The following MYOC variants were observed in gnomAD, a reference collection of about 807,000 sequenced individuals.
MYOC encodes the protein juvenile-onset open-angle glaucoma 1.
A neutral mutation model predicts 28.2 loss-of-function variants in MYOC; 29 were observed. The observed-to-expected ratio is 1.03, with a 90% confidence interval of 0.77 to 1.40. The LOEUF is 1.40. MYOC is among the 40% of genes most tolerant of loss of function. MYOC has a pLI of 0.00. For synonymous variants in MYOC, 240 were observed against 245.6 expected, an observed-to-expected ratio of 0.98 and a Z score of 0.21; for missense variants, 569 against 620.6, an observed-to-expected ratio of 0.92 and a Z score of 0.88.
At chr1:171,651,828 G>C (rs1653360473) in intron 1 of MYOC, among the ~76,000 whole-genome samples, 180 bp downstream of exon 1, 1 of 152,156 alleles carries the variant, frequency 6.6e-6, no homozygotes, top group Non-Finnish European at 1.5e-5. Flanking sequence ...AAGCTCTCAG[G>C]AGCTAAATTA....
rs769767738 is a variant in MYOC at position 171,635,985 on chromosome 1, C to T, written c.1455G>A (p.Lys485=). The change falls in exon 3 of 3, where the codon AAG becomes AAA. Residue 485 remains lysine, a synonymous_variant. Coordinates refer to ENST00000037502, the MANE Select transcript of MYOC (RefSeq NM_000261.2). ...SMIDYNPLEK[K]LFAWDNLNMV... Reference sequence around the variant, plus strand: ...TGTTCAAGTTGTCCCAGGCAAAGAGCTTCTTCTCCAGGGGGTTGTAGTCAA... The same window carrying T: ...TGTTCAAGTTGTCCCAGGCAAAGAGTTTCTTCTCCAGGGGGTTGTAGTCAA... 6 of 1,614,164 alleles carry T rather than the reference C, an allele frequency of 3.7e-6. No individual in the cohort carries two copies. Among genetic ancestry groups the T allele is most frequent in the Non-Finnish European group, 5.1e-6 (6 of 1,180,028 alleles).
At chr1:171,647,449 A>G (rs1653231303) in intron 1 of MYOC, among the ~76,000 whole-genome samples, 1 of 152,164 alleles carries the variant, frequency 6.6e-6, no homozygotes, top group Non-Finnish European at 1.5e-5. Flanking sequence ...GCTTGAATCC[A>G]GGAGGTGGAG....
At position 171,652,177 on chromosome 1, in the gene MYOC, G is replaced by A; in HGVS notation, c.435C>T (p.Leu145=). The change falls in exon 1 of 3, where the codon CTC becomes CTT. Residue 145 remains leucine (L), a synonymous_variant. Transcript: ENST00000037502. ...CCTCCAGAACTGACTTGTCTCGGAG[G>A]AGGTTGCTGTAGGCAGTCTCCAACT... ...TRELETAYSN[L]LRDKSVLEEE... is the part of the protein sequence containing the mutation. 1 of 1,614,156 alleles carries A rather than the reference G, an allele frequency of 6.2e-7. No individual in the cohort carries two copies. Among genetic ancestry groups the A allele is most frequent in the East Asian group, 2.2e-5 (1 of 44,886 alleles).
chr1:171,640,284 G>T (rs1653047070), intron 1 of MYOC, among the ~76,000 whole-genome samples: 1 of 151,992 alleles, frequency 6.6e-6, no homozygotes, highest in African/African-American at 2.4e-5. Context: ...TGGGGGTGGT[G>T]AGCCATACAG....
At chr1:171,644,485 G>A (rs967826473) in intron 1 of MYOC, among the ~76,000 whole-genome samples, 9 of 151,034 alleles carry the variant, frequency 6.0e-5, no homozygotes, top group African/African-American at 2.2e-4. Flanking sequence ...AGGGAAGGAA[G>A]AAAGTGAAAC....
At chr1:171,646,232 G>A (rs1397551354) in intron 1 of MYOC, among the ~76,000 whole-genome samples, 2 of 152,220 alleles carry the variant, frequency 1.3e-5, no homozygotes, top group Middle Eastern at 3.2e-3. Context: ...CCATGTCCCA[G>A]CTGTGTGACT....
chr1:171,638,429 CAGAG>C (rs144871239), intron 2 of MYOC, among the ~76,000 whole-genome samples, 164 bp downstream of exon 2: 1 of 150,826 alleles, frequency 6.6e-6, no homozygotes, highest in African/African-American at 2.4e-5. Context: ...GACAAGGGAA[CAGAG>C]AGAGAGAGAG....
chr1:171,652,230 G>A lies in MYOC; in HGVS notation c.382C>T (p.Arg128Trp), dbSNP rs200971340. 1.1e-5 allele frequency: 17 copies of A among 1,614,118 alleles called. No individual in the cohort carries two copies. In the East Asian group the frequency reaches 2.2e-4, roughly 21 times the overall value. The change falls in exon 1 of 3, where the codon CGG becomes TGG. Residue 128 changes from arginine to tryptophan, a missense_variant. Coordinates refer to ENST00000037502, the MANE Select transcript of MYOC (RefSeq NM_000261.2). ...QRELGTLRRE[R>W]DQLETQTREL... The stretch of plus-strand genomic sequence containing the variant: ...CTGGTTTGGGTTTCCAGCTGGTCCC[G>A]CTCCCGCCTCAGGGTGCCCAGCTCC...
At chr1:171,643,198 G>A (rs183920865) in intron 1 of MYOC, among the ~76,000 whole-genome samples, 4 of 152,264 alleles carry the variant, frequency 2.6e-5, no homozygotes, top group Admixed American at 2.0e-4. Context: ...TCCTTAGATC[G>A]ACCTGAGACC....
chr1:171,639,920 G>T (rs112661098), intron 1 of MYOC, among the ~76,000 whole-genome samples: 16,149 of 123,004 alleles, frequency 0.13, 1,034 homozygotes, highest in Middle Eastern at 0.41. Flanking sequence ...CTCCAGTCTG[G>T]GCAACAGAGC....
chr1:171,650,361 T>C (rs554493920), intron 1 of MYOC, among the ~76,000 whole-genome samples: 10 of 152,348 alleles, frequency 6.6e-5, no homozygotes, highest in African/African-American at 9.6e-5. Flanking sequence ...GCTCTACCAC[T>C]GACCAGCTGG....
chr1:171,651,070 A>T (rs112609017), intron 1 of MYOC, among the ~76,000 whole-genome samples: 35 of 152,286 alleles, frequency 2.3e-4, no homozygotes, highest in African/African-American at 8.2e-4. Context: ...GAAGACACCA[A>T]TCAAGACTCA....
Position 171,642,613 on chromosome 1 carries a change from TA to T in MYOC, c.605-3892del, listed in dbSNP as rs34213125. ...TGGGTGACAGAGTGAGACCCTGTCT[TA>T]AAAAAAAAAAAAATTAAAAAAAGAA... is the stretch of plus-strand genomic sequence containing the variant. On this transcript the variant is annotated intron_variant, in intron 1 of 2. Coordinates refer to ENST00000037502, the MANE Select transcript of MYOC (RefSeq NM_000261.2). Among the ~76,000 whole-genome samples, 108 of 141,780 alleles carry T rather than the reference TA, an allele frequency of 7.6e-4. 1 individual carries two copies. Among genetic ancestry groups the T allele is most frequent in the African/African-American group, 9.4e-4 (36 of 38,156 alleles). The allele number at this position is 141,780 out of a possible 152,430, so 93.0% of individuals were successfully genotyped here.
chr1:171,638,247 G>A (rs1652973890), intron 2 of MYOC, among the ~76,000 whole-genome samples: 1 of 152,132 alleles, frequency 6.6e-6, no homozygotes, highest in Non-Finnish European at 1.5e-5. Context: ...AGATATGAAG[G>A]CGCTACTGAA....
At position 171,638,697 on chromosome 1, in the gene MYOC, CA is replaced by C; in HGVS notation, c.629del (p.Leu210TrpfsTer6). On this transcript the variant is annotated frameshift_variant, in exon 2 of 3. Coordinates refer to ENST00000037502, the MANE Select transcript of MYOC (RefSeq NM_000261.2). LOFTEE classifies it high-confidence loss of function. ...REVSTWNLDT[L>X]AFQELKSELT... ...GCTCGGACTTCAGTTCCTGGAAGGCCAAAGTGTCCAAATTCCACGTAGAAAC... is the reference window on the plus strand; with the variant it reads ...GCTCGGACTTCAGTTCCTGGAAGGCCAAGTGTCCAAATTCCACGTAGAAAC... The C allele has an allele frequency of 6.2e-7, 1 of 1,614,062 alleles. No individual in the cohort carries two copies. The highest frequency in any genetic ancestry group is 8.5e-7 in the Non-Finnish European group (1 of 1,179,970).
intron 2 of MYOC, among the ~76,000 whole-genome samples, chr1:171,637,606 A>C (rs187172709): frequency 1.3e-5 from 2 of 151,552 alleles, no homozygotes; most frequent in African/African-American, 4.8e-5. Flanking sequence ...GAATCACAAC[A>C]GATGTCTGTA....
chr1:171,641,019 A>G (rs1305989180), intron 1 of MYOC, among the ~76,000 whole-genome samples: 1 of 152,136 alleles, frequency 6.6e-6, no homozygotes, highest in Non-Finnish European at 1.5e-5. Flanking sequence ...AAGGCGCAAC[A>G]CCAAAAATGA....
At chr1:171,646,229 C>G (rs1405904463) in intron 1 of MYOC, among the ~76,000 whole-genome samples, 2 of 152,174 alleles carry the variant, frequency 1.3e-5, no homozygotes, top group Non-Finnish European at 2.9e-5. Flanking sequence ...CTGCCATGTC[C>G]CAGCTGTGTG....
chr1:171,644,208 G>C (rs1356492525), intron 1 of MYOC, among the ~76,000 whole-genome samples: 1 of 151,566 alleles, frequency 6.6e-6, no homozygotes, highest in East Asian at 1.9e-4. Context: ...AAACCAAAAA[G>C]AGATTATGAA....
Sources: gnomAD v4.1 joint callset for allele counts (sites outside exome capture counted in the v4.1 genomes callset) on GRCh38, gnomAD v4.1.1 for gene constraint, MANE v1.5 for transcripts, NCBI Gene and HGNC (gene_info 2026-07-23, HGNC 2026-07-21) for gene names.